CD38: variants seen among roughly 807,000 people sequenced by gnomAD.
CD38 encodes CD38 molecule.
CD38 carries 31 observed loss-of-function variants against 36.3 expected under a neutral mutation model. That is an observed-to-expected ratio of 0.85 (90% CI 0.64 to 1.15). CD38 has a LOEUF of 1.15. CD38 is among the 50% of genes most tolerant of loss of function. The pLI is 0.00. For synonymous variants in CD38, 131 were observed against 135.2 expected (o/e 0.97, Z 0.22); for missense variants, 380 against 371.9 (o/e 1.02, Z -0.18).
chr4:15,848,673 C>T lies in CD38; in HGVS notation c.*71C>T. On this transcript the variant is annotated 3_prime_UTR_variant, in exon 8 of 8. Transcript: ENST00000226279. Reference sequence around the variant, plus strand: ...TGTCATCATACATGACTCAGCATACCTGCTGGTGCAGAGCTGAAGATTTTG... The same window carrying T: ...TGTCATCATACATGACTCAGCATACTTGCTGGTGCAGAGCTGAAGATTTTG... 3 of 1,281,742 alleles carry T rather than the reference C, an allele frequency of 2.3e-6. No individual in the cohort carries two copies. The highest frequency in any genetic ancestry group is 3.4e-6 in the Non-Finnish European group (3 of 881,516). The allele number at this position is 1,281,742 out of a possible 1,614,324, so 79.4% of individuals were successfully genotyped here.
chr4:15,851,389 CCTGT>C lies in CD38; in HGVS notation c.*2791_*2794del, dbSNP rs1173982375. 2 of 152,160 alleles carry C rather than the reference CCTGT, an allele frequency of 1.3e-5. No homozygotes were observed. Among genetic ancestry groups the C allele is most frequent in the African/African-American group, 4.8e-5 (2 of 41,424 alleles). 9.4% of individuals were successfully genotyped at this position (152,160 alleles called of 1,614,324 possible). ...TATTTTACTCGTAAATCTACTACTC[CCTGT>C]CTGCCTACTCCATTCTCATTTGCTG... On this transcript the variant is annotated 3_prime_UTR_variant, in exon 8 of 8. Transcript: ENST00000226279.
At chr4:15,793,843 GA>G (rs1199607470) in intron 1 of CD38, among the ~76,000 whole-genome samples, 5 of 152,194 alleles carry the variant, frequency 3.3e-5, no homozygotes, top group Non-Finnish European at 7.3e-5. Flanking sequence ...GAATGTGAGA[GA>G]AAAAGAAGAA....
chr4:15,795,991 A>G (rs1215382292), intron 1 of CD38, among the ~76,000 whole-genome samples: 1 of 152,168 alleles, frequency 6.6e-6, no homozygotes, highest in Non-Finnish European at 1.5e-5. Flanking sequence ...CACTTCATAG[A>G]TGAAATATTG....
At chr4:15,812,149 G>C (rs755481924) in intron 1 of CD38, among the ~76,000 whole-genome samples, 10 of 152,138 alleles carry the variant, frequency 6.6e-5, no homozygotes, top group Non-Finnish European at 1.2e-4. Context: ...GTTAGAACTG[G>C]TCCTGTGATT....
intron 4 of CD38, among the ~76,000 whole-genome samples, chr4:15,835,363 CTTTTTTTTTTTTT>C (rs35143834): frequency 1.1e-3 from 62 of 57,708 alleles, no homozygotes; most frequent in South Asian, 4.2e-3. Flanking sequence ...GACAGGAATA[CTTTTTTTTTTTTT>C]TTTTTTTTTT....
chr4:15,824,988 C>T lies in CD38; in HGVS notation c.471C>T (p.Leu157=), dbSNP rs1436589011. ...DTLLGYLADD[L]TWCGEFNTSK... is the part of the protein sequence containing the mutation. The stretch of plus-strand genomic sequence containing the variant: ...TGCTAGGCTACCTTGCTGATGACCT[C>T]ACATGGTGTGGTGAATTCAACACTT... Residue 157 remains leucine (L), a synonymous_variant, in exon 3 of 8, where the codon CTC becomes CTT. Coordinates refer to ENST00000226279, the MANE Select transcript of CD38 (RefSeq NM_001775.4). 3.3e-5 allele frequency: 54 copies of T among 1,613,468 alleles called. No individual in the cohort carries two copies. The highest frequency in any genetic ancestry group is 4.4e-5 in the Non-Finnish European group (52 of 1,179,694).
At chr4:15,795,394 C>A (rs1031732063) in intron 1 of CD38, among the ~76,000 whole-genome samples, 1 of 151,682 alleles carries the variant, frequency 6.6e-6, no homozygotes, top group African/African-American at 2.4e-5. Flanking sequence ...ATTTAAAGAC[C>A]AAAAAGGTGA....
rs534163496 is a variant in CD38, at chr4:15,786,317, G to C, written c.233+7670G>C. Among the ~76,000 whole-genome samples, 7 of 152,342 alleles carry C rather than the reference G, an allele frequency of 4.6e-5. No homozygotes were observed. The East Asian group carries it at 1.4e-3, about 29-fold the overall frequency. On this transcript the variant is annotated intron_variant, in intron 1 of 7. Coordinates refer to ENST00000226279, the MANE Select transcript of CD38 (RefSeq NM_001775.4). ...AGAGGGCTGATTGGTCTGTTTTACAGAGAGCTGATTGGTCCGTTTTGACAG... is the reference window on the plus strand; with the variant it reads ...AGAGGGCTGATTGGTCTGTTTTACACAGAGCTGATTGGTCCGTTTTGACAG...
intron 3 of CD38, among the ~76,000 whole-genome samples, chr4:15,829,399 A>C (rs1723916124): frequency 6.6e-6 from 1 of 152,150 alleles, no homozygotes; most frequent in Admixed American, 6.5e-5. Context: ...TTATTTTAAA[A>C]CAGGGGTGTC....
At position 15,851,321 on chromosome 4, in the gene CD38, T is replaced by A. The variant is rs1724381752; in HGVS notation, c.*2719T>A. Reference sequence around the variant, plus strand: ...CTCACAATATATATTACTTTTCCTATAAGTGACTTCTCTACTGGATTACTG... The same window carrying A: ...CTCACAATATATATTACTTTTCCTAAAAGTGACTTCTCTACTGGATTACTG... On this transcript the variant is annotated 3_prime_UTR_variant, in exon 8 of 8. Transcript: ENST00000226279. 6.6e-6 allele frequency: 1 copy of A among 152,202 alleles called. No homozygotes were observed. Among genetic ancestry groups the A allele is most frequent in the Admixed American group, 6.5e-5 (1 of 15,278 alleles). The allele number at this position is 152,202 out of a possible 1,614,324, so 9.4% of individuals were successfully genotyped here.
rs1553871769 is a variant in CD38, at chr4:15,780,534, A to ACACACACACACACACACACACG, written c.233+1908_233+1909insGCACACACACACACACACACAC. On this transcript the variant is annotated intron_variant, in intron 1 of 7. Coordinates refer to ENST00000226279, the MANE Select transcript of CD38 (RefSeq NM_001775.4). ...TTCTCTCTCTCACACACACACACAC[A>ACACACACACACACACACACACG]CACACACACACACACACACACACAC... is the stretch of plus-strand genomic sequence containing the variant. 1.7e-3 allele frequency among the ~76,000 whole-genome samples: 251 copies of ACACACACACACACACACACACG among 144,268 alleles called. 1 individual carries two copies. Among genetic ancestry groups the ACACACACACACACACACACACG allele is most frequent in the African/African-American group, 6.0e-3 (222 of 37,138 alleles). The allele number at this position is 144,268 out of a possible 152,430, so 94.6% of individuals were successfully genotyped here. A position where few individuals can be genotyped will look rare whatever the true frequency, so the allele number is the denominator to read the frequency against.
intron 1 of CD38, among the ~76,000 whole-genome samples, chr4:15,798,786 T>G (rs937909152): frequency 6.6e-6 from 1 of 152,354 alleles, no homozygotes; most frequent in South Asian, 2.1e-4. Context: ...GTTGTTTTAT[T>G]TTTTTAATTC....
chr4:15,830,561 T>C (rs1723939741), intron 3 of CD38, among the ~76,000 whole-genome samples: 1 of 152,160 alleles, frequency 6.6e-6, no homozygotes, highest in African/African-American at 2.4e-5. Context: ...ACTTTGTTGA[T>C]TGTTTCCTTT....
At chr4:15,815,060 C>G (rs895051036) in intron 1 of CD38, among the ~76,000 whole-genome samples, 6 of 152,134 alleles carry the variant, frequency 3.9e-5, no homozygotes, top group Admixed American at 1.3e-4. Context: ...CTGCCTCAGC[C>G]TCCCAAAGTG....
intron 1 of CD38, among the ~76,000 whole-genome samples, chr4:15,794,944 A>G (rs1378995381): frequency 2.0e-5 from 3 of 152,258 alleles, no homozygotes; most frequent in Admixed American, 6.5e-5. Context: ...TTAGCTGTGT[A>G]GAAGACAGAA....
intron 7 of CD38, among the ~76,000 whole-genome samples, chr4:15,841,649 C>T (rs569006448): frequency 2.7e-4 from 41 of 149,720 alleles, no homozygotes; most frequent in Non-Finnish European, 4.4e-4. Context: ...TCTGAGGTAC[C>T]GGGTTCATCT....
At chr4:15,780,794 A>C (rs1039684108) in intron 1 of CD38, among the ~76,000 whole-genome samples, 1 of 152,202 alleles carries the variant, frequency 6.6e-6, no homozygotes, top group Non-Finnish European at 1.5e-5. Flanking sequence ...TTCTTTCTGC[A>C]CCTTATCAGA....
chr4:15,838,236 G>C, intron 5 of CD38, 71 bp downstream of exon 5: 1 of 1,175,596 alleles, frequency 8.5e-7, no homozygotes, highest in South Asian at 1.3e-5. Context: ...TTCATCTCTA[G>C]AAAGAATATG....
At chr4:15,785,035 G>A (rs943300286) in intron 1 of CD38, among the ~76,000 whole-genome samples, 2 of 144,324 alleles carry the variant, frequency 1.4e-5, no homozygotes, top group African/African-American at 5.5e-5. Flanking sequence ...CAGCCTGGGT[G>A]ACAGAGCAAG....
Sources: allele counts gnomAD v4.1 joint callset (sites outside exome capture counted in the v4.1 genomes callset), GRCh38; gene constraint gnomAD v4.1.1; transcripts MANE v1.5; gene names NCBI Gene and HGNC (gene_info 2026-07-23, HGNC 2026-07-21).